The following NRXN3 variants were observed in gnomAD, a reference collection of about 807,000 sequenced individuals.
NRXN3 encodes the protein neurexin III.
A neutral mutation model predicts 137.6 loss-of-function variants in NRXN3; 32 were observed. The observed-to-expected ratio is 0.23, with a 90% CI of 0.18 to 0.31. The LOEUF (loss-of-function observed/expected upper bound fraction) is 0.31, where lower values mean the gene tolerates loss of function less well. Ranked by LOEUF, NRXN3 falls within the 10% of genes least tolerant of loss-of-function variation. The pLI is 1.00. For synonymous variants in NRXN3, 798 were observed against 784.5 expected (o/e 1.02, Z -0.29); for missense variants, 1,574 against 2,062.5 (o/e 0.76, Z 4.59).
chr14:79,221,743 G>C (rs1451123900), intron 15 of NRXN3, among the ~76,000 whole-genome samples: 1 of 152,152 alleles, frequency 6.6e-6, no homozygotes, highest in Non-Finnish European at 1.5e-5. Context: ...CTGTGCAGAA[G>C]CTCTTTAGTT....
At chr14:79,584,853 G>C (rs2097753352) in intron 16 of NRXN3, among the ~76,000 whole-genome samples, 2 of 152,154 alleles carry the variant, frequency 1.3e-5, no homozygotes, top group Non-Finnish European at 2.9e-5. Context: ...TGAATCAGCA[G>C]GAGAGAGAGA....
At chr14:79,436,551 T>C (rs2095848662) in intron 15 of NRXN3, among the ~76,000 whole-genome samples, 1 of 152,304 alleles carries the variant, frequency 6.6e-6, no homozygotes, top group South Asian at 2.1e-4. Context: ...CTCTTCCTCT[T>C]CTCCTCCTTC....
At chr14:78,803,954 CAGG>C (rs1227235252) in intron 9 of NRXN3, 131 bp downstream of exon 9, 3 of 838,092 alleles carry the variant, frequency 3.6e-6, no homozygotes, top group Non-Finnish European at 3.9e-6. Context: ...TTAACAGACC[CAGG>C]ATAAAACCCA....
chr14:79,394,209 G>A (rs2094945220), intron 15 of NRXN3, among the ~76,000 whole-genome samples: 1 of 152,178 alleles, frequency 6.6e-6, no homozygotes, highest in South Asian at 2.1e-4. Flanking sequence ...GATGTAGGAA[G>A]AACACACATG....
chr14:79,536,637 G>A (rs2097213821), intron 16 of NRXN3, among the ~76,000 whole-genome samples: 1 of 151,926 alleles, frequency 6.6e-6, no homozygotes, highest in Non-Finnish European at 1.5e-5. Flanking sequence ...AGGCCCCAGT[G>A]AGTTTTGTTC....
In NRXN3 at chr14:79,585,683, T is replaced by TAAAAAA. The variant is rs1264605001; in HGVS notation, c.3445-78090_3445-78085dup. Among the ~76,000 whole-genome samples, 429 of 75,804 alleles carry TAAAAAA rather than the reference T, an allele frequency of 5.7e-3. 16 individuals are homozygous for TAAAAAA. Among genetic ancestry groups the TAAAAAA allele is most frequent in the African/African-American group, 0.015 (219 of 15,086 alleles). 49.7% of individuals were successfully genotyped at this position (75,804 alleles called of 152,430 possible). A position where few individuals can be genotyped will look rare whatever the true frequency, so the allele number is the denominator to read the frequency against. The stretch of plus-strand genomic sequence containing the variant: ...CTGGCGACAGAGCGAGACTCCATCT[T>TAAAAAA]AAAAAAAAAACAAAAAAAAAAAAAA... On this transcript the variant is annotated intron_variant, in intron 16 of 20. Transcript: ENST00000335750.
chr14:79,067,849 G>C (rs1016730583), intron 15 of NRXN3, among the ~76,000 whole-genome samples: 27 of 152,062 alleles, frequency 1.8e-4, no homozygotes, highest in Admixed American at 1.4e-3. Flanking sequence ...TGAACCTTTG[G>C]GGGCAGGACT....
intron 4 of NRXN3, among the ~76,000 whole-genome samples, chr14:78,563,619 A>G (rs969932376): frequency 7.9e-5 from 12 of 152,206 alleles, no homozygotes; most frequent in Admixed American, 4.6e-4. Flanking sequence ...ACAGCTTTTT[A>G]ATGAGACCTA....
intron 4 of NRXN3, among the ~76,000 whole-genome samples, chr14:78,302,123 G>A (rs2076932932): frequency 6.6e-6 from 1 of 152,194 alleles, no homozygotes; most frequent in Admixed American, 6.5e-5. Flanking sequence ...TGATGCGTGT[G>A]GCACTGTTGC....
chr14:79,013,743 A>G (rs1263934858), intron 15 of NRXN3, among the ~76,000 whole-genome samples: 1 of 152,234 alleles, frequency 6.6e-6, no homozygotes, highest in Non-Finnish European at 1.5e-5. Context: ...TACGTGGCTT[A>G]TAGATCTAAA....
intron 10 of NRXN3, among the ~76,000 whole-genome samples, chr14:78,893,193 T>C (rs2099164251): frequency 6.6e-6 from 1 of 151,994 alleles, no homozygotes; most frequent in Admixed American, 6.6e-5. Flanking sequence ...CGCAAGCTCA[T>C]TCATTCATGG....
chr14:78,819,785 A>G (rs1161674335), intron 10 of NRXN3, among the ~76,000 whole-genome samples: 9 of 152,234 alleles, frequency 5.9e-5, no homozygotes, highest in African/African-American at 2.2e-4. Flanking sequence ...CTATATTCAG[A>G]GAAAACAGAA....
At position 79,740,712 on chromosome 14, in the gene NRXN3, TTATATATATATATATATATA is replaced by T. The variant is rs869216055; in HGVS notation, c.4014+42812_4014+42831del. On this transcript the variant is annotated intron_variant, in intron 19 of 20. Coordinates refer to ENST00000335750, the MANE Select transcript of NRXN3 (RefSeq NM_001330195.2). ...TCCACTGGACTTTGCATTTAGTTTT[TTATATATATATATATATATA>T]TATATATATATATATATATATATAT... Among the ~76,000 whole-genome samples the T allele has an allele frequency of 1.1e-3, 17 of 16,148 alleles. 1 individual carries two copies. The highest frequency in any genetic ancestry group is 6.0e-3 in the Admixed American group (6 of 994). The allele number at this position is 16,148 out of a possible 152,430, so 10.6% of individuals were successfully genotyped here.
At chr14:78,602,711 T>G (rs1403476532) in intron 4 of NRXN3, among the ~76,000 whole-genome samples, 1 of 152,184 alleles carries the variant, frequency 6.6e-6, no homozygotes, top group Non-Finnish European at 1.5e-5. Flanking sequence ...CTCAAGACTC[T>G]GAACACCCAC....
At chr14:79,387,403 A>C (rs2153463997) in intron 15 of NRXN3, among the ~76,000 whole-genome samples, 1 of 152,242 alleles carries the variant, frequency 6.6e-6, no homozygotes, top group Admixed American at 6.5e-5. Context: ...CCACAATGAG[A>C]TACCATCTCA....
chr14:78,279,224 G>T (rs906426252), intron 3 of NRXN3, among the ~76,000 whole-genome samples: 3 of 152,150 alleles, frequency 2.0e-5, no homozygotes, highest in African/African-American at 4.8e-5. Context: ...TGAATAAATG[G>T]TTTTTGTCAA....
At chr14:79,769,505 C>A (rs376562857) in intron 19 of NRXN3, among the ~76,000 whole-genome samples, 3 of 152,086 alleles carry the variant, frequency 2.0e-5, no homozygotes, top group African/African-American at 7.2e-5. Context: ...AACCCAGAAT[C>A]TCATATCCAG....
At chr14:79,828,576 C>T (rs1201933665) in intron 20 of NRXN3, among the ~76,000 whole-genome samples, 2 of 142,124 alleles carry the variant, frequency 1.4e-5, no homozygotes, top group Non-Finnish European at 3.0e-5. Context: ...GCCGAGATCA[C>T]GCTCTGCACT....
At chr14:78,192,079 T>TGC (rs2060794114) in intron 1 of NRXN3, among the ~76,000 whole-genome samples, 3 of 140,020 alleles carry the variant, frequency 2.1e-5, no homozygotes, top group Non-Finnish European at 4.5e-5. Flanking sequence ...TGTGTGTGTG[T>TGC]GTGTGTGTGT....
Sources: allele counts gnomAD v4.1 joint callset (sites outside exome capture counted in the v4.1 genomes callset), GRCh38; gene constraint gnomAD v4.1.1; transcripts MANE v1.5; gene names NCBI Gene and HGNC (gene_info 2026-07-23, HGNC 2026-07-21).